Variants in PARD3 observed in about 807,000 individuals in gnomAD.
PARD3 encodes the protein par-3 family cell polarity regulator.
Under a neutral mutation model 155.4 loss-of-function variants are expected in PARD3, and 75 were observed. That is an observed-to-expected ratio of 0.48 (90% CI 0.40 to 0.58). The LOEUF is 0.58. PARD3 is among the 20% of genes least tolerant of loss of function. The pLI is 0.00. For synonymous variants in PARD3, 576 were observed against 610.5 expected, an observed-to-expected ratio of 0.94 and a Z score of 0.83; for missense variants, 1,642 against 1,721.7, an observed-to-expected ratio of 0.95 and a Z score of 0.82.
chr10:34,155,668 A>ATGTGTGTGTGTGTGTGTGTG (rs3039232), intron 22 of PARD3, among the ~76,000 whole-genome samples: 35 of 140,424 alleles, frequency 2.5e-4, no homozygotes, highest in African/African-American at 7.9e-4. Flanking sequence ...CCCTCTAAAA[A>ATGTGTGTGTGTGTGTGTGTG]TGTGTGTGTG....
intron 1 of PARD3, among the ~76,000 whole-genome samples, chr10:34,711,382 G>A (rs1470613446): frequency 6.6e-6 from 1 of 152,058 alleles, no homozygotes; most frequent in African/African-American, 2.4e-5. Context: ...CTAGCTGGGC[G>A]TGGTGATGGG....
intron 10 of PARD3, 52 bp from the exon 11 acceptor site, chr10:34,375,054 ACAC>A (rs776058846): frequency 8.8e-6 from 1 of 114,248 alleles, no homozygotes; most frequent in Non-Finnish European, 1.3e-5. Context: ...CAACAGGAAA[ACAC>A]ACACACACAC....
intron 22 of PARD3, among the ~76,000 whole-genome samples, chr10:34,203,241 T>C (rs898369454): frequency 1.3e-5 from 2 of 152,204 alleles, no homozygotes; most frequent in African/African-American, 4.8e-5. Flanking sequence ...CACTTCAATC[T>C]ATATGCCAAA....
intron 22 of PARD3, among the ~76,000 whole-genome samples, chr10:34,258,851 T>C (rs1204353018): frequency 6.7e-6 from 1 of 150,328 alleles, no homozygotes; most frequent in Non-Finnish European, 1.5e-5. Flanking sequence ...AACCCAGGAG[T>C]TCAAGGCAGT....
chr10:34,792,119 C>T (rs906956846), intron 1 of PARD3, among the ~76,000 whole-genome samples: 18 of 152,164 alleles, frequency 1.2e-4, no homozygotes, highest in Admixed American at 4.6e-4. Flanking sequence ...TGCGCGCCCA[C>T]GTGCTTGCCC....
chr10:34,431,013 T>C (rs2075871612), intron 5 of PARD3, among the ~76,000 whole-genome samples: 1 of 152,260 alleles, frequency 6.6e-6, no homozygotes, highest in Non-Finnish European at 1.5e-5. Context: ...GATTTGGATT[T>C]CCACAAAATT....
At chr10:34,801,563 G>A (rs908468463) in intron 1 of PARD3, among the ~76,000 whole-genome samples, 7 of 152,120 alleles carry the variant, frequency 4.6e-5, no homozygotes, top group African/African-American at 1.2e-4. Context: ...CCTTCAAGAC[G>A]CCACTCCCTA....
chr10:34,454,714 C>T (rs2077242127), intron 4 of PARD3, among the ~76,000 whole-genome samples: 2 of 152,086 alleles, frequency 1.3e-5, no homozygotes, highest in African/African-American at 4.8e-5. Flanking sequence ...CAGCTTTGTG[C>T]GAGGTGGGAA....
intron 3 of PARD3, among the ~76,000 whole-genome samples, chr10:34,515,178 G>GT (rs1470474333): frequency 6.6e-6 from 1 of 152,144 alleles, no homozygotes; most frequent in Non-Finnish European, 1.5e-5. Context: ...GGTAACTAGT[G>GT]TACCACCTGC....
intron 16 of PARD3, 84 bp from the exon 17 acceptor site, chr10:34,337,510 G>A (rs1836319698): frequency 2.9e-6 from 2 of 695,680 alleles, no homozygotes; most frequent in African/African-American, 1.9e-5. Flanking sequence ...ATACCTGCAA[G>A]TGTAAATATA....
At chr10:34,114,497 CCACA>C (rs1946559259) in intron 24 of PARD3, among the ~76,000 whole-genome samples, 1 of 152,044 alleles carries the variant, frequency 6.6e-6, no homozygotes, top group South Asian at 2.1e-4. Flanking sequence ...GAACAAACCA[CCACA>C]CCTGGCTAAT....
chr10:34,707,698 A>AAC (rs144825530), intron 1 of PARD3, among the ~76,000 whole-genome samples: 12 of 152,280 alleles, frequency 7.9e-5, no homozygotes, highest in Non-Finnish European at 1.2e-4. Context: ...GGTTACCATG[A>AAC]ACACACACAC....
chr10:34,764,419 G>A (rs1048648186), intron 1 of PARD3, among the ~76,000 whole-genome samples: 1 of 152,168 alleles, frequency 6.6e-6, no homozygotes, highest in Non-Finnish European at 1.5e-5. Context: ...AATTCCTTAA[G>A]AGTCCTTCCT....
chr10:34,408,355 C>A (rs1261897065), intron 5 of PARD3, among the ~76,000 whole-genome samples: 1 of 151,960 alleles, frequency 6.6e-6, no homozygotes, highest in Non-Finnish European at 1.5e-5. Flanking sequence ...ACTAAATGTT[C>A]TTTTTCATAC....
At chr10:34,589,747 T>G (rs926153349) in intron 2 of PARD3, among the ~76,000 whole-genome samples, 58 of 1,840 alleles carry the variant, frequency 0.032, 1 homozygote, top group African/African-American at 0.16. Flanking sequence ...ACAGTTTTAC[T>G]GGGGGGCTGG....
chr10:34,397,889 C>T (rs1254901965), intron 7 of PARD3, among the ~76,000 whole-genome samples: 10 of 151,916 alleles, frequency 6.6e-5, no homozygotes, highest in Non-Finnish European at 1.2e-4. Flanking sequence ...TTTCCTACTC[C>T]GGAAAGAAAT....
intron 2 of PARD3, among the ~76,000 whole-genome samples, chr10:34,640,774 A>G (rs1438217497): frequency 6.7e-6 from 1 of 150,258 alleles, no homozygotes; most frequent in African/African-American, 2.4e-5. Context: ...CACCTATCCA[A>G]ACTTTAAATG....
intron 2 of PARD3, among the ~76,000 whole-genome samples, chr10:34,688,740 G>A (rs1312631423): frequency 6.6e-6 from 1 of 152,162 alleles, no homozygotes; most frequent in African/African-American, 2.4e-5. Flanking sequence ...CTTCCTCAGT[G>A]CTGTGCCCTG....
At chr10:34,424,813 C>T (rs991761699) in intron 5 of PARD3, among the ~76,000 whole-genome samples, 5 of 152,076 alleles carry the variant, frequency 3.3e-5, no homozygotes, top group African/African-American at 1.2e-4. Flanking sequence ...CCATGCCTGG[C>T]CTAACTTTAA....
Sources: allele counts gnomAD v4.1 joint callset (sites outside exome capture counted in the v4.1 genomes callset), GRCh38; gene constraint gnomAD v4.1.1; transcripts MANE v1.5; gene names NCBI Gene and HGNC (gene_info 2026-07-23, HGNC 2026-07-21).